The following NEK11 variants were observed in gnomAD, a reference collection of about 807,000 sequenced individuals.
The protein encoded by NEK11 is serine/threonine-protein kinase Nek11.
A neutral mutation model predicts 80.7 loss-of-function variants in NEK11; 72 were observed. The ratio of observed to expected loss-of-function variants is 0.89; its 90% CI spans 0.74 to 1.08. NEK11 has a LOEUF of 1.08. Among genes scored for constraint, NEK11 ranks in the 50% least tolerant of loss-of-function variants. The pLI is 0.00. For synonymous variants in NEK11, 251 were observed against 260.7 expected (o/e 0.96, Z 0.36); for missense variants, 764 against 763.6 (o/e 1.00, Z -0.01).
intron 14 of NEK11, among the ~76,000 whole-genome samples, chr3:131,188,172 A>ATT (rs1310304377): frequency 6.6e-6 from 1 of 152,180 alleles, no homozygotes; most frequent in East Asian, 1.9e-4. Flanking sequence ...ATAGAAGTGC[A>ATT]TTTTGTGAGT....
chr3:131,186,605 G>A lies in NEK11; in HGVS notation c.1399+15718G>A, dbSNP rs146118637. Among the ~76,000 whole-genome samples, 1,081 of 152,222 alleles carry A rather than the reference G, an allele frequency of 7.1e-3. 19 individuals carry two copies. The highest frequency in any genetic ancestry group is 0.024 in the African/African-American group (1,006 of 41,552). On this transcript the variant is annotated intron_variant, in intron 14 of 17. Coordinates refer to ENST00000383366, the MANE Select transcript of NEK11 (RefSeq NM_024800.5). Reference sequence around the variant, plus strand: ...CTTAGAAGACGCTCCTTTGCCAGCCGTTTAGAGCCCATACACTAGCAGTTA... The same window carrying A: ...CTTAGAAGACGCTCCTTTGCCAGCCATTTAGAGCCCATACACTAGCAGTTA...
At chr3:131,105,088 A>G (rs1011239968) in intron 4 of NEK11, among the ~76,000 whole-genome samples, 2 of 152,218 alleles carry the variant, frequency 1.3e-5, no homozygotes, top group Admixed American at 6.5e-5. Flanking sequence ...CCTCTTCTCC[A>G]TGAGAGCAGC....
chr3:131,201,754 G>A (rs2150383492), intron 14 of NEK11, among the ~76,000 whole-genome samples: 1 of 151,920 alleles, frequency 6.6e-6, no homozygotes. Flanking sequence ...CAGGCATCCT[G>A]TATAACTACT....
chr3:131,147,554 G>A lies in NEK11; in HGVS notation c.648-4834G>A, dbSNP rs192684871. Reference sequence around the variant, plus strand: ...CCAAATTAGTTCTTGTTTAATTGCCGTGGCTATTCAGGTTCCTTTGTATTT... The same window carrying A: ...CCAAATTAGTTCTTGTTTAATTGCCATGGCTATTCAGGTTCCTTTGTATTT... On this transcript the variant is annotated intron_variant, in intron 7 of 17. Coordinates refer to ENST00000383366, the MANE Select transcript of NEK11 (RefSeq NM_024800.5). Among the ~76,000 whole-genome samples, 576 of 151,952 alleles carry A rather than the reference G, an allele frequency of 3.8e-3. 5 individuals carry two copies. Among genetic ancestry groups the A allele is most frequent in the Middle Eastern group, 0.014 (4 of 294 alleles).
At chr3:131,110,027 G>C in intron 5 of NEK11, 106 bp downstream of exon 5, 1 of 1,140,708 alleles carries the variant, frequency 8.8e-7, no homozygotes, top group Non-Finnish European at 1.2e-6. Context: ...AGTTCAAAAG[G>C]TATATGGCTA....
chr3:131,066,820 C>T (rs375472029), intron 3 of NEK11, among the ~76,000 whole-genome samples: 12 of 139,224 alleles, frequency 8.6e-5, no homozygotes, highest in South Asian at 2.2e-4. Flanking sequence ...CCAGCCTGGG[C>T]GACAGAGCCA....
intron 17 of NEK11, among the ~76,000 whole-genome samples, chr3:131,308,504 C>T (rs548658511): frequency 7.9e-5 from 12 of 152,234 alleles, no homozygotes; most frequent in African/African-American, 2.9e-4. Flanking sequence ...TAAGTGAACA[C>T]AATAAATTTA....
intron 7 of NEK11, among the ~76,000 whole-genome samples, chr3:131,150,948 T>G (rs1447183940): frequency 2.0e-5 from 3 of 152,008 alleles, no homozygotes; most frequent in Non-Finnish European, 4.4e-5. Context: ...GGACTGTTTT[T>G]TCTGGGTATA....
rs183026230 is a variant in NEK11, at chr3:131,299,106, C to G, written c.1718+25532C>G. 3.7e-4 allele frequency among the ~76,000 whole-genome samples: 56 copies of G among 152,150 alleles called. No homozygotes were observed. The East Asian group carries it at 0.011, about 29-fold the overall frequency. On this transcript the variant is annotated intron_variant, in intron 17 of 17. Coordinates refer to ENST00000383366, the MANE Select transcript of NEK11 (RefSeq NM_024800.5). Reference sequence around the variant, plus strand: ...TTACACTTTTATTTTAGGCTTAGGACTACATGTGCAGGTTTGTTATACAGA... The same window carrying G: ...TTACACTTTTATTTTAGGCTTAGGAGTACATGTGCAGGTTTGTTATACAGA...
Position 131,111,496 on chromosome 3 carries a change from T to C in NEK11, c.455+1575T>C, listed in dbSNP as rs145182269. Among the ~76,000 whole-genome samples, 112 of 152,222 alleles carry C rather than the reference T, an allele frequency of 7.4e-4. 1 individual carries two copies. The highest frequency in any genetic ancestry group is 2.5e-3 in the African/African-American group (103 of 41,556). ...GATAGTGATAAATTAAAAATAAGTC[T>C]CAACCTCAAAGAGCTGTTAGTAAGC... On this transcript the variant is annotated intron_variant, in intron 5 of 17. Transcript: ENST00000383366.
intron 14 of NEK11, among the ~76,000 whole-genome samples, chr3:131,176,467 A>G (rs1162877038): frequency 6.6e-6 from 1 of 152,178 alleles, no homozygotes; most frequent in African/African-American, 2.4e-5. Flanking sequence ...CCTGACTCTA[A>G]TACTTGCTCT....
At chr3:131,245,352 C>T (rs895836610) in intron 16 of NEK11, among the ~76,000 whole-genome samples, 9 of 148,500 alleles carry the variant, frequency 6.1e-5, no homozygotes, top group African/African-American at 2.1e-4. Flanking sequence ...CGTCCTTTGA[C>T]GGACACTTAG....
chr3:131,253,149 C>T (rs546435033), intron 16 of NEK11, among the ~76,000 whole-genome samples: 2 of 152,258 alleles, frequency 1.3e-5, no homozygotes, highest in South Asian at 2.1e-4. Flanking sequence ...TATTGAGACT[C>T]ATTTAGAATA....
intron 4 of NEK11, among the ~76,000 whole-genome samples, chr3:131,081,472 A>G (rs1401808506): frequency 6.6e-6 from 1 of 152,188 alleles, no homozygotes; most frequent in Non-Finnish European, 1.5e-5. Context: ...GAAGCTGCTT[A>G]GAGAAGTGGG....
At chr3:131,349,505 C>T in intron 17 of NEK11, 52 bp from the exon 18 acceptor site, 1 of 1,413,044 alleles carries the variant, frequency 7.1e-7, no homozygotes, top group Non-Finnish European at 9.8e-7. Context: ...CATTTTCCTG[C>T]AGGTGATCTT....
At chr3:131,331,317 C>A (rs1364358153) in intron 17 of NEK11, among the ~76,000 whole-genome samples, 1 of 152,196 alleles carries the variant, frequency 6.6e-6, no homozygotes, top group African/African-American at 2.4e-5. Flanking sequence ...AACCATTTAT[C>A]AGTAGATATT....
chr3:131,235,215 G>C (rs142604428), intron 15 of NEK11, among the ~76,000 whole-genome samples: 56 of 152,250 alleles, frequency 3.7e-4, no homozygotes, highest in African/African-American at 1.3e-3. Context: ...TTTGGGGTGA[G>C]AGTGGTGAGA....
chr3:131,349,043 A>C (rs536190794), intron 17 of NEK11, among the ~76,000 whole-genome samples: 2 of 152,204 alleles, frequency 1.3e-5, no homozygotes, highest in South Asian at 4.1e-4. Flanking sequence ...CTCCAGCCAC[A>C]ATAGCTTTCT....
In NEK11 at chr3:131,185,327, A is replaced by G. The variant is rs145404382; in HGVS notation, c.1399+14440A>G. 5.2e-3 allele frequency among the ~76,000 whole-genome samples: 785 copies of G among 152,238 alleles called. 1 individual carries two copies. Among genetic ancestry groups the G allele is most frequent in the Non-Finnish European group, 9.0e-3 (614 of 68,012 alleles). On this transcript the variant is annotated intron_variant, in intron 14 of 17. Coordinates refer to ENST00000383366, the MANE Select transcript of NEK11 (RefSeq NM_024800.5). ...ATAGAAAGATTGGGAGTAGGCAGAGAACCTTCAGACTATGATGCAGGTCTG... is the reference window on the plus strand; with the variant it reads ...ATAGAAAGATTGGGAGTAGGCAGAGGACCTTCAGACTATGATGCAGGTCTG...
Sources: allele counts gnomAD v4.1 joint callset (sites outside exome capture counted in the v4.1 genomes callset), GRCh38; gene constraint gnomAD v4.1.1; transcripts MANE v1.5; gene names NCBI Gene and HGNC (gene_info 2026-07-23, HGNC 2026-07-21).